ZYG11B: variants seen among roughly 807,000 people sequenced by gnomAD.
The protein encoded by ZYG11B is protein zyg-11 homolog B.
ZYG11B carries 36 observed loss-of-function variants against 82.4 expected under a neutral mutation model. That is an observed-to-expected ratio of 0.44 (90% CI 0.33 to 0.58). The LOEUF (loss-of-function observed/expected upper bound fraction) is 0.58, where lower values mean the gene tolerates loss of function less well. Ranked by LOEUF, ZYG11B falls within the 20% of genes least tolerant of loss-of-function variation. The probability of loss-of-function intolerance (pLI) is 0.02; values close to 1 mark genes in which losing one functional copy is unlikely to be tolerated. For missense variants in ZYG11B, 552 were observed against 895.6 expected, an observed-to-expected ratio of 0.62 and a Z score of 4.90; for synonymous variants, 303 against 312.8, an observed-to-expected ratio of 0.97 and a Z score of 0.33.
intron 10 of ZYG11B, among the ~76,000 whole-genome samples, chr1:52,802,826 C>T (rs533669949): frequency 6.6e-6 from 1 of 151,480 alleles, no homozygotes; most frequent in East Asian, 1.9e-4. Context: ...CACGACCATC[C>T]TGGCTAACAC....
intron 3 of ZYG11B, among the ~76,000 whole-genome samples, chr1:52,773,648 T>A (rs1644777588): frequency 2.6e-5 from 2 of 75,962 alleles, no homozygotes; most frequent in Non-Finnish European, 5.0e-5. Context: ...TTTTTTTTTT[T>A]TTTTTTTTTT....
At position 52,771,869 on chromosome 1, in the gene ZYG11B, T is replaced by C; in HGVS notation, c.951+95T>C. 1 of 1,412,866 alleles carries C rather than the reference T, an allele frequency of 7.1e-7. No individual in the cohort carries two copies. The highest frequency in any genetic ancestry group is 1.4e-5 in the South Asian group (1 of 71,746). 87.5% of individuals were successfully genotyped at this position (1,412,866 alleles called of 1,614,324 possible). A position where few individuals can be genotyped will look rare whatever the true frequency, so the allele number is the denominator to read the frequency against. On this transcript the variant is annotated intron_variant, in intron 3 of 13. Transcript: ENST00000294353. The surrounding 1 kb of genome is among the most constrained non-coding windows in gnomAD (Gnocchi z 5.4). ...ATGAATGTCTGTAATATATGGAACATGTTCATGAAACAGGGCTGCATATAG... is the reference window on the plus strand; with the variant it reads ...ATGAATGTCTGTAATATATGGAACACGTTCATGAAACAGGGCTGCATATAG...
intron 13 of ZYG11B, among the ~76,000 whole-genome samples, chr1:52,817,765 GTATATATATGTGTATATATA>G (rs1307262348): frequency 1.2e-4 from 7 of 60,054 alleles, no homozygotes; most frequent in African/African-American, 6.3e-4. Context: ...AGTAAAGTGT[GTATATATATGTGTATATATA>G]TATATATATA....
intron 13 of ZYG11B, among the ~76,000 whole-genome samples, chr1:52,821,080 ACT>A (rs1645279172): frequency 6.7e-6 from 1 of 149,762 alleles, no homozygotes; most frequent in Non-Finnish European, 1.5e-5. Context: ...ACAGGGCAAG[ACT>A]CTGTCTAAAA....
chr1:52,808,265 G>A (rs2149963092), intron 10 of ZYG11B, among the ~76,000 whole-genome samples: 1 of 152,232 alleles, frequency 6.6e-6, no homozygotes, highest in Non-Finnish European at 1.5e-5. Flanking sequence ...TCGGGAGGCT[G>A]AGACAGGAGA....
At chr1:52,793,903 T>TTCCTTCCTTC (rs1438686036) in intron 6 of ZYG11B, among the ~76,000 whole-genome samples, 1 of 92,044 alleles carries the variant, frequency 1.1e-5, no homozygotes, top group African/African-American at 6.5e-5. Flanking sequence ...TTCCTTCCTT[T>TTCCTTCCTTC]CTTTCCTTTC....
intron 5 of ZYG11B, among the ~76,000 whole-genome samples, chr1:52,787,660 A>G (rs1412696020): frequency 6.6e-6 from 1 of 152,248 alleles, no homozygotes; most frequent in South Asian, 2.1e-4. Context: ...TAACAGACTT[A>G]CAGAATCATC....
Position 52,816,638 on chromosome 1 carries a change from C to CAA in ZYG11B, c.2044+17_2044+18dup. 5.8e-6 allele frequency: 9 copies of CAA among 1,545,492 alleles called. No individual in the cohort carries two copies. Among genetic ancestry groups the CAA allele is most frequent in the Non-Finnish European group, 7.9e-6 (9 of 1,138,100 alleles). On this transcript the variant is annotated intron_variant, in intron 13 of 13. Coordinates refer to ENST00000294353, the MANE Select transcript of ZYG11B (RefSeq NM_024646.3). Reference sequence around the variant, plus strand: ...TGTCTGCAGCAAGAATCGTATGTACCAAAAAAAAAGAACTGTGTTTTTTTT... The same window carrying CAA: ...TGTCTGCAGCAAGAATCGTATGTACCAAAAAAAAAAAGAACTGTGTTTTTTTT...
chr1:52,805,603 G>T, intron 10 of ZYG11B: 1 of 421,304 alleles, frequency 2.4e-6, no homozygotes, highest in South Asian at 1.7e-5. Context: ...AGGCTGAGGT[G>T]GGTGGATCAC....
chr1:52,766,338 C>T (rs1298510952), intron 2 of ZYG11B, among the ~76,000 whole-genome samples: 12 of 151,478 alleles, frequency 7.9e-5, no homozygotes, highest in Non-Finnish European at 1.3e-4. Context: ...TCAGGCTGGT[C>T]GCGAACTCCT....
At chr1:52,788,585 G>C (rs1202920648) in intron 5 of ZYG11B, among the ~76,000 whole-genome samples, 1 of 152,148 alleles carries the variant, frequency 6.6e-6, no homozygotes, top group African/African-American at 2.4e-5. Context: ...AAAATTAGAG[G>C]CTGTGCACTG....
chr1:52,791,983 G>A lies in ZYG11B; in HGVS notation c.1334+1916G>A, dbSNP rs186084114. 8.3e-4 allele frequency among the ~76,000 whole-genome samples: 127 copies of A among 152,290 alleles called. 1 individual carries two copies. Among genetic ancestry groups the A allele is most frequent in the South Asian group, 1.2e-3 (6 of 4,824 alleles). On this transcript the variant is annotated intron_variant, in intron 6 of 13. Coordinates refer to ENST00000294353, the MANE Select transcript of ZYG11B (RefSeq NM_024646.3). ...TATGGGCTATAGAGTCTCAGTTGCAGCTATTTAACTCTGCCATTGTCCCTC... is the reference window on the plus strand; with the variant it reads ...TATGGGCTATAGAGTCTCAGTTGCAACTATTTAACTCTGCCATTGTCCCTC...
At position 52,793,868 on chromosome 1, in the gene ZYG11B, T is replaced by TTCCTTCCTTCCTTCCTTCCTTCC. The variant is rs1644979935; in HGVS notation, c.1335-2423_1335-2422insCCTTCCTTCCTTCCTTCCTTCCT. The stretch of plus-strand genomic sequence containing the variant: ...TTTCTTTCTTTCTTCCTTTTCTTTC[T>TTCCTTCCTTCCTTCCTTCCTTCC]TTCCTTCCTTCCTTCCTTCCTTCCT... On this transcript the variant is annotated intron_variant, in intron 6 of 13. Coordinates refer to ENST00000294353, the MANE Select transcript of ZYG11B (RefSeq NM_024646.3). 4.2e-3 allele frequency among the ~76,000 whole-genome samples: 398 copies of TTCCTTCCTTCCTTCCTTCCTTCC among 95,486 alleles called. 5 individuals are homozygous for TTCCTTCCTTCCTTCCTTCCTTCC. Among genetic ancestry groups the TTCCTTCCTTCCTTCCTTCCTTCC allele is most frequent in the African/African-American group, 0.016 (382 of 23,728 alleles). The allele number at this position is 95,486 out of a possible 152,430, so 62.6% of individuals were successfully genotyped here. A position where few individuals can be genotyped will look rare whatever the true frequency, so the allele number is the denominator to read the frequency against.
intron 1 of ZYG11B, among the ~76,000 whole-genome samples, chr1:52,727,974 A>G (rs576678335): frequency 6.6e-6 from 1 of 152,308 alleles, no homozygotes; most frequent in African/African-American, 2.4e-5. Flanking sequence ...GTAATATACT[A>G]TAAAATTATT....
intron 1 of ZYG11B, among the ~76,000 whole-genome samples, chr1:52,742,524 T>C (rs1644438646): frequency 6.6e-6 from 1 of 151,706 alleles, no homozygotes; most frequent in Non-Finnish European, 1.5e-5. Flanking sequence ...AGCTGTACAA[T>C]GTGTTTATGT....
intron 2 of ZYG11B, among the ~76,000 whole-genome samples, chr1:52,758,905 C>T (rs3863643): frequency 0.59 from 90,064 of 151,896 alleles, 29,431 homozygotes; most frequent in East Asian, 0.97. Context: ...CTTTCTAATC[C>T]CAATTTAATG....
rs748301306 is a variant in ZYG11B at position 52,821,621 on chromosome 1, C to T, written c.2227C>T (p.Leu743=). The change falls in exon 14 of 14, where the codon CTA becomes TTA. Residue 743 remains leucine (L), a synonymous_variant. Coordinates refer to ENST00000294353, the MANE Select transcript of ZYG11B (RefSeq NM_024646.3). ...PPCKKQPQAR[L]N is the part of the protein sequence containing the mutation. The stretch of plus-strand genomic sequence containing the variant: ...CTGTAAAAAACAGCCCCAAGCCAGA[C>T]TAAATTGATAGCCATAAGTATTGGA... 4.3e-6 allele frequency: 7 copies of T among 1,609,880 alleles called. No homozygotes were observed. Among genetic ancestry groups the T allele is most frequent in the Non-Finnish European group, 5.9e-6 (7 of 1,178,690 alleles).
At chr1:52,733,667 C>T (rs7553634) in intron 1 of ZYG11B, among the ~76,000 whole-genome samples, 16,342 of 152,128 alleles carry the variant, frequency 0.11, 1,775 homozygotes, top group African/African-American at 0.28. Flanking sequence ...TAAGATCAAT[C>T]AATCAATCAA....
At chr1:52,821,411 T>A (rs1375923812) in intron 13 of ZYG11B, 28 bp from the exon 14 acceptor site, 2 of 1,537,330 alleles carry the variant, frequency 1.3e-6, no homozygotes, top group African/African-American at 2.8e-5. Context: ...TTTCTCCTGT[T>A]TTGTGTGTGT....
Sources: gnomAD v4.1 joint callset for allele counts (sites outside exome capture counted in the v4.1 genomes callset) on GRCh38, gnomAD v4.1.1 for gene constraint, Gnocchi (gnomAD v3.1) non-coding constraint, MANE v1.5 for transcripts, NCBI Gene and HGNC (gene_info 2026-07-23, HGNC 2026-07-21) for gene names.